CPPED1: variants seen among roughly 807,000 people sequenced by gnomAD.
CPPED1 encodes serine/threonine-protein phosphatase CPPED1.
A neutral mutation model predicts 28.0 loss-of-function variants in CPPED1; 28 were observed. That is an observed-to-expected ratio of 1.00 (90% confidence interval 0.74 to 1.37). The LOEUF is 1.37. Ranked by LOEUF, CPPED1 falls within the 40% of genes most tolerant of loss-of-function variation. The pLI, the probability that CPPED1 is intolerant of heterozygous loss-of-function variation, is 0.00. For synonymous variants in CPPED1, 198 were observed against 180.2 expected, an observed-to-expected ratio of 1.10 and a Z score of -0.79; for missense variants, 504 against 416.5, an observed-to-expected ratio of 1.21 and a Z score of -1.83.
intron 2 of CPPED1, among the ~76,000 whole-genome samples, chr16:12,729,187 A>T (rs1256094155): frequency 6.6e-6 from 1 of 152,110 alleles, no homozygotes; most frequent in African/African-American, 2.4e-5. Context: ...CATCCAACTC[A>T]GGTCTCTAGA....
intron 2 of CPPED1, among the ~76,000 whole-genome samples, chr16:12,764,447 C>T (rs2080427839): frequency 6.6e-6 from 1 of 152,168 alleles, no homozygotes; most frequent in African/African-American, 2.4e-5. Context: ...AAGTGATCTG[C>T]CCACCTTGGC....
intron 2 of CPPED1, among the ~76,000 whole-genome samples, chr16:12,755,281 C>CTTTT (rs35135598): frequency 0.04 from 5,097 of 128,710 alleles, 205 homozygotes; most frequent in East Asian, 0.12. Context: ...AGTATGCATT[C>CTTTT]TTTTTTTTTT....
chr16:12,755,637 A>C (rs1027367568), intron 2 of CPPED1, among the ~76,000 whole-genome samples: 5 of 152,194 alleles, frequency 3.3e-5, no homozygotes, highest in African/African-American at 1.2e-4. Flanking sequence ...TTTTTGTGAT[A>C]GATATAAATA....
intron 2 of CPPED1, among the ~76,000 whole-genome samples, chr16:12,766,391 T>G (rs536793773): frequency 6.6e-6 from 1 of 151,748 alleles, no homozygotes; most frequent in East Asian, 1.9e-4. Context: ...TTAATTGGAC[T>G]TACAGCTTCA....
At chr16:12,705,193 G>A (rs1269012767) in intron 2 of CPPED1, 144 bp from the exon 3 acceptor site, 1 of 881,772 alleles carries the variant, frequency 1.1e-6, no homozygotes, top group Non-Finnish European at 1.7e-6. Flanking sequence ...GCAAAATGCA[G>A]TCACGTGCTA....
chr16:12,672,505 G>A (rs1043387984), intron 3 of CPPED1, among the ~76,000 whole-genome samples: 1 of 152,218 alleles, frequency 6.6e-6, no homozygotes, highest in African/African-American at 2.4e-5. Context: ...ATAGCACACT[G>A]CTGCAAAAAC....
chr16:12,694,033 C>G (rs1426797171), intron 3 of CPPED1, among the ~76,000 whole-genome samples: 1 of 152,110 alleles, frequency 6.6e-6, no homozygotes, highest in African/African-American at 2.4e-5. Flanking sequence ...TGGTGAAACC[C>G]TATAGCTTCT....
chr16:12,695,795 A>G (rs1161229261), intron 3 of CPPED1, among the ~76,000 whole-genome samples: 2 of 152,164 alleles, frequency 1.3e-5, no homozygotes, highest in African/African-American at 4.8e-5. Flanking sequence ...ATCTCTCACC[A>G]TTTGGCTGTG....
chr16:12,719,141 G>C (rs1296345721), intron 2 of CPPED1, among the ~76,000 whole-genome samples: 2 of 151,752 alleles, frequency 1.3e-5, no homozygotes, highest in East Asian at 3.9e-4. Flanking sequence ...CATAAGAACA[G>C]TATGGACTGG....
chr16:12,701,369 A>G (rs2080019774), intron 3 of CPPED1, among the ~76,000 whole-genome samples: 1 of 151,580 alleles, frequency 6.6e-6, no homozygotes, highest in Non-Finnish European at 1.5e-5. Context: ...CCCCATCTCT[A>G]CTAAAAATGC....
At position 12,664,933 on chromosome 16, in the gene CPPED1, C is replaced by T. The variant is rs750588214; in HGVS notation, c.898G>A (p.Glu300Lys). Reference sequence around the variant, plus strand: ...ATGAGATCGTCTTCTATTCCTTTCTCACTCAGCTCATCTAGACTGTAGTAT... The same window carrying T: ...ATGAGATCGTCTTCTATTCCTTTCTTACTCAGCTCATCTAGACTGTAGTAT... The part of the protein sequence containing the change: ...HRYYSLDELS[E>K]KGIEDDLMDL... The change falls in exon 4 of 4, where the codon GAG becomes AAG. Residue 300 changes from glutamate to lysine, a missense_variant. By Grantham distance (56) the Glu-to-Lys change is moderately conservative. Coordinates refer to ENST00000381774, the MANE Select transcript of CPPED1 (RefSeq NM_018340.3). The surrounding 1 kb of genome is among the most constrained non-coding windows in gnomAD (Gnocchi z 4.2). 5.6e-6 allele frequency: 9 copies of T among 1,607,852 alleles called. No homozygotes were observed. Among genetic ancestry groups the T allele is most frequent in the Middle Eastern group, 1.7e-4 (1 of 6,058 alleles).
At chr16:12,789,811 G>A (rs1011927462) in intron 1 of CPPED1, among the ~76,000 whole-genome samples, 2 of 152,232 alleles carry the variant, frequency 1.3e-5, no homozygotes, top group East Asian at 1.9e-4. Flanking sequence ...ACAGCCATGA[G>A]CCACTGCATC....
At chr16:12,769,887 C>T (rs1199531613) in intron 2 of CPPED1, among the ~76,000 whole-genome samples, 1 of 152,134 alleles carries the variant, frequency 6.6e-6, no homozygotes, top group Non-Finnish European at 1.5e-5. Flanking sequence ...TCTTTAAATC[C>T]TGGCATTTCT....
At chr16:12,719,390 CAAA>C (rs746297859) in intron 2 of CPPED1, among the ~76,000 whole-genome samples, 8 of 90,472 alleles carry the variant, frequency 8.8e-5, no homozygotes, top group Admixed American at 3.8e-4. Context: ...GACTGCGTCT[CAAA>C]AAAAAAAAAA....
At chr16:12,684,751 C>T (rs756489526) in intron 3 of CPPED1, among the ~76,000 whole-genome samples, 1 of 152,118 alleles carries the variant, frequency 6.6e-6, no homozygotes, top group Non-Finnish European at 1.5e-5. Flanking sequence ...GCAGAGGCCA[C>T]GTGTGTTTAA....
chr16:12,689,775 TG>T (rs1387298583), intron 3 of CPPED1, among the ~76,000 whole-genome samples: 1 of 152,052 alleles, frequency 6.6e-6, no homozygotes, highest in Admixed American at 6.6e-5. Flanking sequence ...AGATTACTGA[TG>T]GATTCAGAAA....
At chr16:12,716,718 C>T (rs770834975) in intron 2 of CPPED1, among the ~76,000 whole-genome samples, 2 of 152,172 alleles carry the variant, frequency 1.3e-5, no homozygotes, top group African/African-American at 2.4e-5. Context: ...CATTACAGGG[C>T]TAGAAACATA....
At chr16:12,755,875 G>T (rs977328771) in intron 2 of CPPED1, among the ~76,000 whole-genome samples, 1 of 152,138 alleles carries the variant, frequency 6.6e-6, no homozygotes, top group Non-Finnish European at 1.5e-5. Context: ...GCTCACGCCT[G>T]TAAACCCAGC....
chr16:12,697,427 C>T lies in CPPED1; in HGVS notation c.715+7197G>A, dbSNP rs192253535. Among the ~76,000 whole-genome samples the T allele has an allele frequency of 2.1e-3, 323 of 152,302 alleles. 1 individual carries two copies. Among genetic ancestry groups the T allele is most frequent in the African/African-American group, 7.2e-3 (300 of 41,556 alleles). On this transcript the variant is annotated intron_variant, in intron 3 of 3. Transcript: ENST00000381774. Reference sequence around the variant, plus strand: ...GGGGAACATGTGCCTCACCCAGGCACGCCCTCCACTGAAGACCTTCAGGAG... The same window carrying T: ...GGGGAACATGTGCCTCACCCAGGCATGCCCTCCACTGAAGACCTTCAGGAG...
Sources: allele counts gnomAD v4.1 joint callset (sites outside exome capture counted in the v4.1 genomes callset), GRCh38; gene constraint gnomAD v4.1.1; non-coding constraint Gnocchi (gnomAD v3.1); transcripts MANE v1.5; gene names NCBI Gene and HGNC (gene_info 2026-07-23, HGNC 2026-07-21).